Variants in SLCO3A1 observed in about 807,000 individuals in gnomAD.
The protein encoded by SLCO3A1 is solute carrier organic anion transporter family member 3A1.
In SLCO3A1, 27 loss-of-function variants were observed where a neutral mutation model predicts 63.1. That is an observed-to-expected ratio of 0.43 (90% CI 0.32 to 0.59). The LOEUF (loss-of-function observed/expected upper bound fraction) is 0.59. Ranked by LOEUF, SLCO3A1 falls within the 20% of genes least tolerant of loss-of-function variation. The pLI, the probability that SLCO3A1 is intolerant of heterozygous loss-of-function variation, is 0.09. For synonymous variants in SLCO3A1, 473 were observed against 409.9 expected (o/e 1.15, Z -1.86); for missense variants, 773 against 945.8 (o/e 0.82, Z 2.40).
In SLCO3A1 at chr15:91,934,050, A is replaced by G. The variant is rs569750706; in HGVS notation, c.646+17592A>G. ...TTACCTAACTATAAGCTAAAAACTT[A>G]GACTGTTATTTCATGGATGCTCAGA... On this transcript the variant is annotated intron_variant, in intron 2 of 9. Coordinates refer to ENST00000318445, the MANE Select transcript of SLCO3A1 (RefSeq NM_013272.4). Among the ~76,000 whole-genome samples the G allele has an allele frequency of 5.9e-5, 9 of 152,260 alleles. 1 individual carries two copies. The highest frequency in any genetic ancestry group is 2.2e-4 in the African/African-American group (9 of 41,546).
At chr15:92,084,893 C>T (rs980521657) in intron 2 of SLCO3A1, among the ~76,000 whole-genome samples, 1 of 152,222 alleles carries the variant, frequency 6.6e-6, no homozygotes, top group Non-Finnish European at 1.5e-5. Context: ...AGCAGGCCTT[C>T]CAGTGAGCCT....
chr15:91,920,257 G>A (rs10775254), intron 2 of SLCO3A1, among the ~76,000 whole-genome samples: 7 of 151,934 alleles, frequency 4.6e-5, no homozygotes, highest in Non-Finnish European at 8.8e-5. Context: ...ATCTGCTCAC[G>A]AGGCTGGGAT....
At chr15:92,018,491 A>C (rs114849839) in intron 2 of SLCO3A1, among the ~76,000 whole-genome samples, 1,835 of 152,330 alleles carry the variant, frequency 0.012, 48 homozygotes, top group African/African-American at 0.042. Flanking sequence ...GGCAGCAGGC[A>C]GCCATCACCT....
intron 2 of SLCO3A1, among the ~76,000 whole-genome samples, chr15:91,994,291 G>A (rs1223383287): frequency 2.0e-5 from 3 of 151,978 alleles, no homozygotes; most frequent in African/African-American, 7.3e-5. Flanking sequence ...TGGAAACTGA[G>A]GCCCAGAGAT....
Position 91,864,087 on chromosome 15 carries a change from G to T in SLCO3A1, c.180+9999G>T, listed in dbSNP as rs191785108. On this transcript the variant is annotated intron_variant, in intron 1 of 9. Transcript: ENST00000318445. Reference sequence around the variant, plus strand: ...TGCTGCACTAGGCTCAGAGTGGCACGTGGAGCCAGCAGTGCTTGGGCTAAA... The same window carrying T: ...TGCTGCACTAGGCTCAGAGTGGCACTTGGAGCCAGCAGTGCTTGGGCTAAA... Among the ~76,000 whole-genome samples, 657 of 152,306 alleles carry T rather than the reference G, an allele frequency of 4.3e-3. 3 individuals are homozygous for T. Among genetic ancestry groups the T allele is most frequent in the Non-Finnish European group, 7.7e-3 (526 of 68,032 alleles).
At chr15:92,105,279 GA>G (rs1241638516) in intron 4 of SLCO3A1, among the ~76,000 whole-genome samples, 4 of 151,178 alleles carry the variant, frequency 2.6e-5, no homozygotes, top group East Asian at 1.9e-4. Context: ...CATCTCAAAA[GA>G]AAAAAAAGCC....
At chr15:92,023,524 A>C (rs1374386160) in intron 2 of SLCO3A1, among the ~76,000 whole-genome samples, 1 of 151,366 alleles carries the variant, frequency 6.6e-6, no homozygotes. Context: ...GCTGGAGTGC[A>C]GTGGTGGGAT....
rs78476322 is a variant in SLCO3A1 at position 92,002,171 on chromosome 15, T to C, written c.646+85713T>C. ...TAACCTATGGAGTGGATGTGTGGTT[T>C]TCCCATTTAGCCTCAGTCCAGATGT... On this transcript the variant is annotated intron_variant, in intron 2 of 9. Coordinates refer to ENST00000318445, the MANE Select transcript of SLCO3A1 (RefSeq NM_013272.4). 1.4e-3 allele frequency among the ~76,000 whole-genome samples: 209 copies of C among 152,264 alleles called. 1 individual carries two copies. The highest frequency in any genetic ancestry group is 4.9e-3 in the African/African-American group (202 of 41,552).
intron 2 of SLCO3A1, among the ~76,000 whole-genome samples, chr15:92,057,295 T>C (rs1379076193): frequency 6.6e-6 from 1 of 152,230 alleles, no homozygotes; most frequent in African/African-American, 2.4e-5. Flanking sequence ...CAGCCCGTCA[T>C]TTCACTGAGC....
At position 92,160,292 on chromosome 15, in the gene SLCO3A1, A is replaced by C. The variant is rs553299914; in HGVS notation, c.1754-2464A>C. Among the ~76,000 whole-genome samples the C allele has an allele frequency of 8.5e-5, 13 of 152,230 alleles. No individual in the cohort carries two copies. The South Asian group carries it at 2.3e-3, about 27-fold the overall frequency. On this transcript the variant is annotated intron_variant, in intron 9 of 9. Transcript: ENST00000318445. ...CATCTGTAATACACACTGGCTCCAG[A>C]TCTTCATTTTTTACATAAATAACGT...
chr15:92,102,642 G>T (rs2047619995), intron 3 of SLCO3A1, among the ~76,000 whole-genome samples: 1 of 152,126 alleles, frequency 6.6e-6, no homozygotes, highest in South Asian at 2.1e-4. Context: ...AGAAACATCT[G>T]GTCCATTGTA....
Position 91,955,169 on chromosome 15 carries a change from C to G in SLCO3A1, c.646+38711C>G, listed in dbSNP as rs906454669. Among the ~76,000 whole-genome samples, 182 of 152,098 alleles carry G rather than the reference C, an allele frequency of 1.2e-3. 1 individual carries two copies. The highest frequency in any genetic ancestry group is 4.9e-4 in the Non-Finnish European group (33 of 68,022). The stretch of plus-strand genomic sequence containing the variant: ...CTGTGGGCTTGGTCCTGTTGTTGTT[C>G]TCAGCTTCCACGTGAAGAAACTGAA... On this transcript the variant is annotated intron_variant, in intron 2 of 9. Coordinates refer to ENST00000318445, the MANE Select transcript of SLCO3A1 (RefSeq NM_013272.4).
chr15:92,152,944 A>G (rs376937005), intron 9 of SLCO3A1, among the ~76,000 whole-genome samples: 19 of 152,350 alleles, frequency 1.2e-4, no homozygotes, highest in South Asian at 1.0e-3. Context: ...AACTGGCAGA[A>G]CATTTTTTTG....
At chr15:92,006,809 C>T (rs2046318101) in intron 2 of SLCO3A1, among the ~76,000 whole-genome samples, 1 of 152,236 alleles carries the variant, frequency 6.6e-6, no homozygotes. Flanking sequence ...GAAGCTTCTT[C>T]ATTAAGCTAC....
chr15:91,918,545 G>T (rs984715606), intron 2 of SLCO3A1, among the ~76,000 whole-genome samples: 1 of 152,164 alleles, frequency 6.6e-6, no homozygotes, highest in African/African-American at 2.4e-5. Flanking sequence ...GCATAGATTG[G>T]CCTCAATAGG....
chr15:92,046,780 G>A (rs78121161), intron 2 of SLCO3A1, among the ~76,000 whole-genome samples: 7 of 150,842 alleles, frequency 4.6e-5, no homozygotes, highest in South Asian at 2.1e-4. Context: ...ATTTCATTCC[G>A]CAGAGAGTTA....
chr15:92,052,089 T>C (rs1429415395), intron 2 of SLCO3A1, among the ~76,000 whole-genome samples: 1 of 152,108 alleles, frequency 6.6e-6, no homozygotes. Context: ...ACTGCCCGTG[T>C]CCCTGCTCAT....
intron 2 of SLCO3A1, among the ~76,000 whole-genome samples, chr15:92,035,088 T>G (rs918729679): frequency 1.3e-5 from 2 of 151,706 alleles, no homozygotes; most frequent in African/African-American, 4.8e-5. Context: ...GTACATGGGT[T>G]TTTGAACTGT....
intron 6 of SLCO3A1, 147 bp from the exon 7 acceptor site, chr15:92,128,204 A>G: frequency 1.0e-6 from 1 of 981,188 alleles, no homozygotes. Context: ...AGGTTGGTAA[A>G]GGAAAAGGGA....
Sources: allele counts gnomAD v4.1 joint callset (sites outside exome capture counted in the v4.1 genomes callset), GRCh38; gene constraint gnomAD v4.1.1; transcripts MANE v1.5; gene names NCBI Gene and HGNC (gene_info 2026-07-23, HGNC 2026-07-21).